Variants in GALNT18 observed in about 807,000 individuals in gnomAD.
GALNT18 encodes the protein GalNAc-transferase 18.
A neutral mutation model predicts 69.5 loss-of-function variants in GALNT18; 44 were observed. The observed-to-expected ratio is 0.63, with a 90% CI of 0.50 to 0.81. The LOEUF is 0.81. GALNT18 is among the 40% of genes least tolerant of loss of function. The probability of loss-of-function intolerance (pLI) is 0.00; values close to 1 mark genes in which losing one functional copy is unlikely to be tolerated. For synonymous variants in GALNT18, 364 were observed against 318.2 expected (o/e 1.14, Z -1.53); for missense variants, 715 against 810.0 (o/e 0.88, Z 1.42).
intron 9 of GALNT18, among the ~76,000 whole-genome samples, chr11:11,313,012 T>C (rs182380755): frequency 6.6e-6 from 1 of 152,048 alleles, no homozygotes; most frequent in Non-Finnish European, 1.5e-5. Context: ...TCAGACAAGG[T>C]ACAGAGATCT....
chr11:11,390,419 A>T (rs1027571980), intron 3 of GALNT18, among the ~76,000 whole-genome samples: 2 of 152,156 alleles, frequency 1.3e-5, no homozygotes, highest in African/African-American at 4.8e-5. Context: ...ACTAGAAAAC[A>T]TACACCAGGC....
At chr11:11,272,667 A>C (rs570159405) in intron 10 of GALNT18, among the ~76,000 whole-genome samples, 1 of 152,200 alleles carries the variant, frequency 6.6e-6, no homozygotes, top group Non-Finnish European at 1.5e-5. Flanking sequence ...CTCCCATGAC[A>C]GGCTAAGCTG....
At chr11:11,556,179 G>A (rs1321286688) in intron 1 of GALNT18, among the ~76,000 whole-genome samples, 1 of 152,194 alleles carries the variant, frequency 6.6e-6, no homozygotes, top group East Asian at 1.9e-4. Context: ...TTCCCACTAC[G>A]TGAAGTTGGG....
At position 11,602,389 on chromosome 11, in the gene GALNT18, A is replaced by T. The variant is rs1410067894; in HGVS notation, c.235+18970T>A. Among the ~76,000 whole-genome samples the T allele has an allele frequency of 6.6e-6, 1 of 152,156 alleles. No individual in the cohort carries two copies. Among genetic ancestry groups the T allele is most frequent in the East Asian group, 1.9e-4 (1 of 5,186 alleles). On this transcript the variant is annotated intron_variant, in intron 1 of 10. Transcript: ENST00000227756. This position sits in a 1 kb window ranked among gnomAD's most constrained non-coding sequence, Gnocchi z 4.7. ...GCTCTGCAACACAGAGCTGGGAGAC[A>T]TGAGAAATCCTGGTGGCCTGGCCCT...
intron 1 of GALNT18, among the ~76,000 whole-genome samples, chr11:11,534,696 C>A (rs1857735422): frequency 6.6e-6 from 1 of 152,244 alleles, no homozygotes; most frequent in African/African-American, 2.4e-5. Context: ...TTGGCACTTA[C>A]TTCATTCTAT....
chr11:11,405,078 G>C (rs1854559700), intron 3 of GALNT18, among the ~76,000 whole-genome samples: 1 of 152,172 alleles, frequency 6.6e-6, no homozygotes, highest in Non-Finnish European at 1.5e-5. Flanking sequence ...GTCAGACTCA[G>C]TTACCTGACA....
intron 10 of GALNT18, among the ~76,000 whole-genome samples, chr11:11,288,360 G>T (rs1476108952): frequency 6.6e-6 from 1 of 152,128 alleles, no homozygotes; most frequent in Non-Finnish European, 1.5e-5. Context: ...GATGTTCTAT[G>T]CTTGGAAACT....
rs146830031 is a variant in GALNT18, at chr11:11,597,967, T to G, written c.235+23392A>C. On this transcript the variant is annotated intron_variant, in intron 1 of 10. Transcript: ENST00000227756. Reference sequence around the variant, plus strand: ...GAGCCACCGCGCCTGACCAATAATTTGAGTATTCTTTTTGCCTTTGTCAGT... The same window carrying G: ...GAGCCACCGCGCCTGACCAATAATTGGAGTATTCTTTTTGCCTTTGTCAGT... Among the ~76,000 whole-genome samples the G allele has an allele frequency of 7.4e-3, 1,134 of 152,224 alleles. 18 individuals are homozygous for G. Among genetic ancestry groups the G allele is most frequent in the African/African-American group, 0.026 (1,080 of 41,536 alleles).
intron 1 of GALNT18, among the ~76,000 whole-genome samples, chr11:11,609,478 G>T (rs544930968): frequency 7.2e-5 from 11 of 152,312 alleles, no homozygotes; most frequent in African/African-American, 2.6e-4. Flanking sequence ...ACCTCCTCAT[G>T]TAATTGCAGT....
intron 1 of GALNT18, among the ~76,000 whole-genome samples, chr11:11,466,617 C>T (rs189955244): frequency 6.6e-6 from 1 of 152,266 alleles, no homozygotes; most frequent in African/African-American, 2.4e-5. Flanking sequence ...GTCTGTTTAC[C>T]TATTAGGATT....
At chr11:11,472,953 T>A (rs572769402) in intron 1 of GALNT18, among the ~76,000 whole-genome samples, 1 of 151,980 alleles carries the variant, frequency 6.6e-6, no homozygotes, top group South Asian at 2.1e-4. Context: ...GATCAAGCCA[T>A]GGCACTCCAG....
intron 9 of GALNT18, among the ~76,000 whole-genome samples, chr11:11,301,762 C>T (rs1360867341): frequency 3.3e-5 from 5 of 152,280 alleles, no homozygotes; most frequent in East Asian, 1.9e-4. Flanking sequence ...CTTTGCCTCT[C>T]GGGTGCCAGG....
intron 6 of GALNT18, among the ~76,000 whole-genome samples, chr11:11,342,936 A>C (rs1376823990): frequency 1.3e-5 from 2 of 152,242 alleles, no homozygotes; most frequent in East Asian, 3.8e-4. Context: ...TGCCTGGTGC[A>C]TAATAAGCAT....
Position 11,500,520 on chromosome 11 carries a change from G to T in GALNT18, c.236-51584C>A, listed in dbSNP as rs1412963841. 6.6e-6 allele frequency among the ~76,000 whole-genome samples: 1 copy of T among 152,196 alleles called. No homozygotes were observed. The highest frequency in any genetic ancestry group is 2.4e-5 in the African/African-American group (1 of 41,448). On this transcript the variant is annotated intron_variant, in intron 1 of 10. Transcript: ENST00000227756. This position sits in a 1 kb window ranked among gnomAD's most constrained non-coding sequence, Gnocchi z 5.0. The stretch of plus-strand genomic sequence containing the variant: ...GGTTGTCACATCGTGGTGGGTGGAT[G>T]GAGATGCGCCATGGGCATCTCTCAG...
chr11:11,425,006 C>G (rs988742327), intron 3 of GALNT18, among the ~76,000 whole-genome samples: 3 of 152,108 alleles, frequency 2.0e-5, no homozygotes, highest in Admixed American at 6.5e-5. Context: ...AGTCAGAAGA[C>G]CCAGGGCCCT....
chr11:11,272,301 C>G (rs1157270618), intron 10 of GALNT18, among the ~76,000 whole-genome samples: 5 of 152,180 alleles, frequency 3.3e-5, no homozygotes, highest in Non-Finnish European at 5.9e-5. Flanking sequence ...GTGACTGTCC[C>G]CTTATCCCTT....
At chr11:11,556,201 G>T (rs2133975853) in intron 1 of GALNT18, among the ~76,000 whole-genome samples, 1 of 152,310 alleles carries the variant, frequency 6.6e-6, no homozygotes, top group South Asian at 2.1e-4. Context: ...TAAACATAAG[G>T]AGCGAAGGTC....
intron 1 of GALNT18, among the ~76,000 whole-genome samples, chr11:11,574,894 C>T (rs1343680288): frequency 2.0e-5 from 3 of 152,236 alleles, no homozygotes; most frequent in Non-Finnish European, 4.4e-5. Flanking sequence ...GAATTGTTTG[C>T]TCCAGCCTCT....
intron 6 of GALNT18, among the ~76,000 whole-genome samples, chr11:11,358,134 T>C (rs879335931): frequency 4.3e-5 from 4 of 92,034 alleles, no homozygotes; most frequent in Admixed American, 4.1e-4. Context: ...AATGGTCACA[T>C]AGAGGGCACC....
Sources: allele counts gnomAD v4.1 joint callset (sites outside exome capture counted in the v4.1 genomes callset), GRCh38; gene constraint gnomAD v4.1.1; non-coding constraint Gnocchi (gnomAD v3.1); transcripts MANE v1.5; gene names NCBI Gene and HGNC (gene_info 2026-07-23, HGNC 2026-07-21).